The following GFY variants were observed in gnomAD, a reference collection of about 807,000 sequenced individuals.
GFY encodes golgi associated olfactory signaling regulator, also known as Golgi-associated olfactory signaling regulator.
In GFY, 28 loss-of-function variants were observed where a neutral mutation model predicts 29.1. The observed-to-expected ratio is 0.96, with a 90% CI of 0.71 to 1.32. GFY has a LOEUF of 1.32. GFY is among the 40% of genes most tolerant of loss of function. The pLI is 0.00. For missense variants in GFY, 656 were observed against 661.9 expected (o/e 0.99, Z 0.10); for synonymous variants, 277 against 274.5 (o/e 1.01, Z -0.09).
rs533725986 is a variant in GFY at position 49,425,958 on chromosome 19, C to T, written c.-21-452C>T. Reference sequence around the variant, plus strand: ...CCCAGAGCCCAAATGTCTCCCTCCTCCCTCAAATCCATGAGTCCAGCCCTC... The same window carrying T: ...CCCAGAGCCCAAATGTCTCCCTCCTTCCTCAAATCCATGAGTCCAGCCCTC... On this transcript the variant is annotated intron_variant, in intron 1 of 3. Coordinates refer to ENST00000610896, the MANE Select transcript of GFY (RefSeq NM_001195256.2). Among the ~76,000 whole-genome samples the T allele has an allele frequency of 5.2e-4, 79 of 152,310 alleles. 2 individuals are homozygous for T. Among genetic ancestry groups the T allele is most frequent in the African/African-American group, 1.8e-3 (76 of 41,570 alleles).
chr19:49,427,586 A>C lies in GFY; in HGVS notation c.1156A>C (p.Ile386Leu). 6.7e-7 allele frequency: 1 copy of C among 1,481,938 alleles called. No homozygotes were observed. The highest frequency in any genetic ancestry group is 8.9e-7 in the Non-Finnish European group (1 of 1,122,930). The allele number at this position is 1,481,938 out of a possible 1,614,324, so 91.8% of individuals were successfully genotyped here. A position where few individuals can be genotyped will look rare whatever the true frequency, so the allele number is the denominator to read the frequency against. Residue 386 changes from isoleucine to leucine, a missense_variant, in exon 2 of 4, where the codon ATC (isoleucine) becomes CTC (leucine). By Grantham distance (5) the Ile-to-Leu change is conservative. Transcript: ENST00000610896. ...CCGAGGTGAGGGAGTCAACACCATCATCGTGGTGGAGCGAGTGAAGGAGAC... is the reference window on the plus strand; with the variant it reads ...CCGAGGTGAGGGAGTCAACACCATCCTCGTGGTGGAGCGAGTGAAGGAGAC... ...HSRGEGVNTIIVVERVKETGV... is the reference protein window; with the variant it reads ...HSRGEGVNTILVVERVKETGV...
At position 49,426,357 on chromosome 19, in the gene GFY, G is replaced by T. The variant is rs1975071834; in HGVS notation, c.-21-53G>T. The T allele has an allele frequency of 3.5e-6, 5 of 1,445,394 alleles. No individual in the cohort carries two copies. The East Asian group carries it at 9.9e-5, about 29-fold the overall frequency. 89.5% of individuals were successfully genotyped at this position (1,445,394 alleles called of 1,614,324 possible). On this transcript the variant is annotated intron_variant, in intron 1 of 3. Transcript: ENST00000610896. ...TGGGCGTGGCCTCCGGGAGTGGGCGGGGCTCCTGGGAGCCTTCGGCCTTAA... is the reference window on the plus strand; with the variant it reads ...TGGGCGTGGCCTCCGGGAGTGGGCGTGGCTCCTGGGAGCCTTCGGCCTTAA...
chr19:49,425,080 G>A (rs954117383), upstream of GFY, among the ~76,000 whole-genome samples: 3 of 151,812 alleles, frequency 2.0e-5, 1 homozygote, highest in African/African-American at 7.3e-5. Flanking sequence ...GAGGAAGGAA[G>A]GAGCTAGAGG....
At chr19:49,427,895 G>T in intron 2 of GFY, 51 bp from the exon 3 acceptor site, 1 of 1,504,640 alleles carries the variant, frequency 6.6e-7, no homozygotes, top group Non-Finnish European at 8.9e-7. Context: ...GGACCCCTGG[G>T]TCTGAGAGAG....
chr19:49,426,399 C>G lies in GFY; in HGVS notation c.-21-11C>G. ...CGGCCTTAACCCCTTCCTTCCCGCT[C>G]TCCCCCGCAGCTATAGGTATCTGCC... On this transcript the variant is annotated splice_polypyrimidine_tract_variant and intron_variant, in intron 1 of 3. Coordinates refer to ENST00000610896, the MANE Select transcript of GFY (RefSeq NM_001195256.2). 6.7e-7 allele frequency: 1 copy of G among 1,489,116 alleles called. No homozygotes were observed. The highest frequency in any genetic ancestry group is 8.9e-7 in the Non-Finnish European group (1 of 1,125,286). The allele number at this position is 1,489,116 out of a possible 1,614,324, so 92.2% of individuals were successfully genotyped here. A position where few individuals can be genotyped will look rare whatever the true frequency, so the allele number is the denominator to read the frequency against.
At position 49,426,645 on chromosome 19, in the gene GFY, T is replaced by C. The variant is rs1301262855; in HGVS notation, c.215T>C (p.Leu72Pro). 8 of 1,535,702 alleles carry C rather than the reference T, an allele frequency of 5.2e-6. No individual in the cohort carries two copies. The highest frequency in any genetic ancestry group is 7.0e-6 in the Non-Finnish European group (8 of 1,146,804). ...ACTCCTTACCCTGAGCCTTCCAAGC[T>C]ACCTCATACGGTTTCCCTGGAAACC... The part of the protein sequence containing the change: ...PGTPYPEPSK[L>P]PHTVSLETFP... Residue 72 changes from leucine (L) to proline (P), a missense_variant, in exon 2 of 4, where the codon CTA (leucine) becomes CCA (proline). Leu to Pro is a moderately conservative substitution (Grantham distance 98, BLOSUM62 -3). Transcript: ENST00000610896.
In GFY at chr19:49,428,763, G is replaced by C; in HGVS notation, c.1502G>C (p.Arg501Pro). ...CTGCCCCCGCCGCCCCGCGGGGGTCGCCCGCAGCGTCTGGAGGCCCTGTCC... is the reference window on the plus strand; with the variant it reads ...CTGCCCCCGCCGCCCCGCGGGGGTCCCCCGCAGCGTCTGGAGGCCCTGTCC... ...PKLPPPPRGG[R>P]PQRLEALSPA... Residue 501 changes from arginine to proline, a missense_variant, in exon 4 of 4, where the codon CGC becomes CCC. Arg to Pro is a moderately radical substitution (Grantham distance 103, BLOSUM62 -2). Coordinates refer to ENST00000610896, the MANE Select transcript of GFY (RefSeq NM_001195256.2). The C allele has an allele frequency of 6.6e-7, 1 of 1,509,134 alleles. No individual in the cohort carries two copies. Among genetic ancestry groups the C allele is most frequent in the African/African-American group, 1.4e-5 (1 of 71,516 alleles). 93.5% of individuals were successfully genotyped at this position (1,509,134 alleles called of 1,614,324 possible).
chr19:49,428,740 G>GC lies in GFY; in HGVS notation c.1484dup (p.Pro496AlafsTer38). 1 of 1,516,396 alleles carries GC rather than the reference G, an allele frequency of 6.6e-7. No individual in the cohort carries two copies. Among genetic ancestry groups the GC allele is most frequent in the Non-Finnish European group, 8.8e-7 (1 of 1,137,102 alleles). 93.9% of individuals were successfully genotyped at this position (1,516,396 alleles called of 1,614,324 possible). A position where few individuals can be genotyped will look rare whatever the true frequency, so the allele number is the denominator to read the frequency against. ...CCACACCTCCTCTGCCACCAAAGCT[G>GC]CCCCCGCCGCCCCGCGGGGGTCGCC... On this transcript the variant is annotated frameshift_variant, in exon 4 of 4. Coordinates refer to ENST00000610896, the MANE Select transcript of GFY (RefSeq NM_001195256.2). LOFTEE classifies it high-confidence loss of function.
At position 49,426,466 on chromosome 19, in the gene GFY, C is replaced by G. The variant is rs1461199272; in HGVS notation, c.36C>G (p.Phe12Leu). Residue 12 changes from phenylalanine to leucine, a missense_variant, in exon 2 of 4, where the codon TTC becomes TTG. Physicochemically the swap from Phe to Leu is conservative, Grantham distance 22 (BLOSUM62 0). Coordinates refer to ENST00000610896, the MANE Select transcript of GFY (RefSeq NM_001195256.2). ...TCAGCCGGATCCTCTTCCTCGTCTT[C>G]CTCCTCGCCGGCCTGAGGTCCAAGG... ...KSFSRILFLV[F>L]LLAGLRSKAA... is the part of the protein sequence containing the mutation. 1.3e-6 allele frequency: 2 copies of G among 1,535,788 alleles called. No individual in the cohort carries two copies. The highest frequency in any genetic ancestry group is 2.0e-5 in the Admixed American group (1 of 50,920).
Position 49,427,021 on chromosome 19 carries a change from C to T in GFY, c.591C>T (p.Leu197=), listed in dbSNP as rs1209361711. The T allele has an allele frequency of 1.7e-5, 26 of 1,535,736 alleles. No homozygotes were observed. The highest frequency in any genetic ancestry group is 2.3e-5 in the Non-Finnish European group (26 of 1,146,840). ...CCACTGAAGTCTCACAGGCAGAACTCCCCGAGACCTCAAACACTAACCCTA... is the reference window on the plus strand; with the variant it reads ...CCACTGAAGTCTCACAGGCAGAACTTCCCGAGACCTCAAACACTAACCCTA... The part of the protein sequence containing the change: ...LNATEVSQAE[L]PETSNTNPTK... The change falls in exon 2 of 4, where the codon CTC becomes CTT. Residue 197 remains leucine, a synonymous_variant. Transcript: ENST00000610896.
chr19:49,426,585 C>G lies in GFY; in HGVS notation c.155C>G (p.Ser52Cys). The change falls in exon 2 of 4, where the codon TCC becomes TGC. Residue 52 changes from serine to cysteine, a missense_variant. Coordinates refer to ENST00000610896, the MANE Select transcript of GFY (RefSeq NM_001195256.2). The part of the protein sequence containing the change: ...TSPLKGASEN[S>C]KRDRLNPEFP... ...CCTCTGAAGGGTGCTTCTGAAAATT[C>G]CAAACGAGATCGCCTTAACCCAGAA... 1 of 1,536,080 alleles carries G rather than the reference C, an allele frequency of 6.5e-7. No homozygotes were observed. Among genetic ancestry groups the G allele is most frequent in the Non-Finnish European group, 8.7e-7 (1 of 1,146,896 alleles).
intron 3 of GFY, 33 bp downstream of exon 3, chr19:49,428,152 T>C (rs1301789009): frequency 2.0e-6 from 3 of 1,514,528 alleles, no homozygotes; most frequent in Non-Finnish European, 2.7e-6. Context: ...GCCTGCACTT[T>C]TCCATAACCT....
intron 1 of GFY, 142 bp from the exon 2 acceptor site, chr19:49,426,268 G>A (rs1975070353): frequency 3.0e-6 from 4 of 1,345,054 alleles, no homozygotes; most frequent in Admixed American, 6.0e-5. Flanking sequence ...CTTGCGATTG[G>A]GTTCTCTTCC....
Position 49,426,826 on chromosome 19 carries a change from G to A in GFY, c.396G>A (p.Glu132=), listed in dbSNP as rs904750968. ...KTNLSKMAHP[E]SSETPTPGPT... Reference sequence around the variant, plus strand: ...ACCTCTCCAAAATGGCACACCCAGAGTCTTCTGAGACCCCCACACCTGGCC... The same window carrying A: ...ACCTCTCCAAAATGGCACACCCAGAATCTTCTGAGACCCCCACACCTGGCC... The change falls in exon 2 of 4, where the codon GAG becomes GAA. Residue 132 remains glutamate (E), a synonymous_variant. Transcript: ENST00000610896. The A allele has an allele frequency of 6.5e-7, 1 of 1,535,418 alleles. No homozygotes were observed. Among genetic ancestry groups the A allele is most frequent in the African/African-American group, 1.4e-5 (1 of 72,800 alleles).
rs1274631844 is a variant in GFY, at chr19:49,427,618, G to C, written c.1183+5G>C. On this transcript the variant is annotated splice_donor_5th_base_variant and intron_variant, in intron 2 of 3. Transcript: ENST00000610896. ...TGGAGCGAGTGAAGGAGACCGGTGA[G>C]GGGCAGGAGCCGGACTCCTGAGTCT... 6.9e-7 allele frequency: 1 copy of C among 1,456,880 alleles called. No individual in the cohort carries two copies. The highest frequency in any genetic ancestry group is 9.0e-7 in the Non-Finnish European group (1 of 1,111,048). 90.2% of individuals were successfully genotyped at this position (1,456,880 alleles called of 1,614,324 possible). A position where few individuals can be genotyped will look rare whatever the true frequency, so the allele number is the denominator to read the frequency against.
chr19:49,425,885 C>A (rs1421309987), intron 1 of GFY, among the ~76,000 whole-genome samples: 3 of 152,180 alleles, frequency 2.0e-5, no homozygotes, highest in Non-Finnish European at 2.9e-5. Context: ...ACCTCAGCCC[C>A]CTCACCCTGC....
upstream of GFY, among the ~76,000 whole-genome samples, chr19:49,424,543 C>T (rs575758729): frequency 5.9e-4 from 89 of 152,078 alleles, no homozygotes; most frequent in African/African-American, 2.1e-3. Context: ...CACACCCAGT[C>T]CACACTGACT....
upstream of GFY, among the ~76,000 whole-genome samples, chr19:49,424,834 C>CAA (rs35953128): frequency 4.5e-4 from 55 of 121,046 alleles, no homozygotes; most frequent in Admixed American, 1.5e-3. Context: ...GACTCTGTCT[C>CAA]AAAAAAAAAA....
At position 49,427,997 on chromosome 19, in the gene GFY, T is replaced by A. The variant is rs1482377530; in HGVS notation, c.1235T>A (p.Leu412Gln). Reference sequence around the variant, plus strand: ...GGCGCAGCAGGCGGGGCCCTCTGCCTGTTCTTCGCGGGGACCGCGCTGCTG... The same window carrying A: ...GGCGCAGCAGGCGGGGCCCTCTGCCAGTTCTTCGCGGGGACCGCGCTGCTG... ...PRGAAGGALC[L>Q]FFAGTALLIG... The change falls in exon 3 of 4, where the codon CTG (leucine) becomes CAG (glutamine). Residue 412 changes from leucine to glutamine, a missense_variant. Coordinates refer to ENST00000610896, the MANE Select transcript of GFY (RefSeq NM_001195256.2). 6.5e-7 allele frequency: 1 copy of A among 1,535,928 alleles called. No individual in the cohort carries two copies. The highest frequency in any genetic ancestry group is 8.7e-7 in the Non-Finnish European group (1 of 1,146,708).
Sources: allele counts gnomAD v4.1 joint callset (sites outside exome capture counted in the v4.1 genomes callset), GRCh38; gene constraint gnomAD v4.1.1; transcripts MANE v1.5; gene names NCBI Gene and HGNC (gene_info 2026-07-23, HGNC 2026-07-21).